Variants in PCDHGA11 observed in about 807,000 individuals in gnomAD.
The protein encoded by PCDHGA11 is protocadherin gamma-A11.
In PCDHGA11, 39 loss-of-function variants were observed where a neutral mutation model predicts 60.4. The ratio of observed to expected loss-of-function variants is 0.65; its 90% CI spans 0.50 to 0.84. The LOEUF is 0.84. PCDHGA11 is among the 40% of genes least tolerant of loss of function. PCDHGA11 has a pLI of 0.00. For synonymous variants in PCDHGA11, 533 were observed against 510.3 expected, an observed-to-expected ratio of 1.04 and a Z score of -0.60; for missense variants, 1,165 against 1,197.7, an observed-to-expected ratio of 0.97 and a Z score of 0.40.
chr5:141,442,894 C>T (rs1173211061), intron 1 of PCDHGA11, among the ~76,000 whole-genome samples: 1 of 152,204 alleles, frequency 6.6e-6, no homozygotes, highest in Non-Finnish European at 1.5e-5. Flanking sequence ...CCCTGCTTAT[C>T]ACTTCTCCTT....
intron 1 of PCDHGA11, chr5:141,433,069 C>T (rs561950316): frequency 2.5e-6 from 4 of 1,614,080 alleles, no homozygotes; most frequent in African/African-American, 1.3e-5. Context: ...ACCTGATCTT[C>T]CCCCAGCCCA....
chr5:141,436,600 G>C (rs1054182433), intron 1 of PCDHGA11, among the ~76,000 whole-genome samples: 2 of 152,154 alleles, frequency 1.3e-5, no homozygotes, highest in African/African-American at 2.4e-5. Context: ...CGTGGTGATG[G>C]CTAGGGCTAA....
chr5:141,484,949 A>C, intron 1 of PCDHGA11: 1 of 557,400 alleles, frequency 1.8e-6, no homozygotes, highest in Non-Finnish European at 3.2e-6. Context: ...TGCTCAGCCT[A>C]TTGGCTGAGC....
chr5:141,427,606 G>A (rs965315804), intron 1 of PCDHGA11: 2 of 688,192 alleles, frequency 2.9e-6, no homozygotes, highest in African/African-American at 3.5e-5. Flanking sequence ...CTACGCATTG[G>A]TGAAGTCAAC....
At chr5:141,469,259 A>G (rs1263722797) in intron 1 of PCDHGA11, among the ~76,000 whole-genome samples, 1 of 151,822 alleles carries the variant, frequency 6.6e-6, no homozygotes, top group Admixed American at 6.6e-5. Flanking sequence ...CTTGGGCAAC[A>G]GAGCAAGACC....
intron 1 of PCDHGA11, among the ~76,000 whole-genome samples, chr5:141,466,909 ACTC>A (rs1249720055): frequency 6.6e-6 from 1 of 151,110 alleles, no homozygotes; most frequent in Non-Finnish European, 1.5e-5. Flanking sequence ...GTTTTTGAAA[ACTC>A]CTTGTATTAG....
chr5:141,431,194 T>C lies in PCDHGA11; in HGVS notation c.2433+7534T>C. On this transcript the variant is annotated intron_variant, in intron 1 of 3. Coordinates refer to ENST00000398587, the MANE Select transcript of PCDHGA11 (RefSeq NM_018914.3). The surrounding 1 kb of genome is among the most constrained non-coding windows in gnomAD (Gnocchi z 4.8). ...AATTAGAAATAAAAATTAGTGAAAA[T>C]GCAGCCACTGAGATGCGGTTCCCTC... The C allele has an allele frequency of 6.2e-7, 1 of 1,614,124 alleles. No homozygotes were observed.
intron 1 of PCDHGA11, among the ~76,000 whole-genome samples, chr5:141,471,145 G>T (rs569617031): frequency 3.4e-4 from 50 of 148,740 alleles, no homozygotes; most frequent in Non-Finnish European, 5.4e-4. Flanking sequence ...TGCCTCCTGG[G>T]TTCAAGTGAT....
chr5:141,442,786 A>T (rs569050347), intron 1 of PCDHGA11, among the ~76,000 whole-genome samples: 12 of 152,308 alleles, frequency 7.9e-5, no homozygotes, highest in African/African-American at 2.6e-4. Context: ...TATATTTTAT[A>T]ATTTTACTTT....
Position 141,421,638 on chromosome 5 carries a change from C to G in PCDHGA11, c.411C>G (p.Asp137Glu), listed in dbSNP as rs775131295. The change falls in exon 1 of 4, where the codon GAC becomes GAG. Residue 137 changes from aspartate (D) to glutamate (E), a missense_variant. Asp to Glu is a conservative substitution (Grantham distance 45). Transcript: ENST00000398587. ...ATAACGCCCCCAGCTTCCAGGAGGA[C>G]GAAGTGGAGATAAAAGTCAGTGAGC... is the stretch of plus-strand genomic sequence containing the variant. The part of the protein sequence containing the change: ...INDNAPSFQE[D>E]EVEIKVSEHA... 1.2e-6 allele frequency: 2 copies of G among 1,613,770 alleles called. No individual in the cohort carries two copies. The highest frequency in any genetic ancestry group is 1.1e-5 in the South Asian group (1 of 91,064).
Position 141,422,926 on chromosome 5 carries a change from G to GC in PCDHGA11, c.1702dup (p.Leu568ProfsTer44). 6.2e-7 allele frequency: 1 copy of GC among 1,614,230 alleles called. No individual in the cohort carries two copies. The highest frequency in any genetic ancestry group is 1.3e-5 in the African/African-American group (1 of 75,064). On this transcript the variant is annotated frameshift_variant, in exon 1 of 4. Transcript: ENST00000398587. LOFTEE classifies it high-confidence loss of function. ...CAATGCGCCCGAGATCCTGTACCCTGCCCTCCCCACAGACGGCTCCACTGG... is the reference window on the plus strand; with the variant it reads ...CAATGCGCCCGAGATCCTGTACCCTGCCCCTCCCCACAGACGGCTCCACTGG...
chr5:141,427,052 C>T (rs79280874), intron 1 of PCDHGA11: 9,800 of 457,514 alleles, frequency 0.021, 162 homozygotes, highest in Middle Eastern at 0.051. Flanking sequence ...TGCCCCCAGG[C>T]ACCTCTGTAC....
chr5:141,491,232 G>C lies in PCDHGA11; in HGVS notation c.2434-3575G>C. The C allele has an allele frequency of 6.2e-7, 1 of 1,614,220 alleles. No individual in the cohort carries two copies. Among genetic ancestry groups the C allele is most frequent in the Non-Finnish European group, 8.5e-7 (1 of 1,180,034 alleles). On this transcript the variant is annotated intron_variant, in intron 1 of 3. Coordinates refer to ENST00000398587, the MANE Select transcript of PCDHGA11 (RefSeq NM_018914.3). The surrounding 1 kb of genome is among the most constrained non-coding windows in gnomAD (Gnocchi z 6.9). ...TCTCCTCCACAGCCACAGTGCTGCT[G>C]GTTCTGGAGGATGAGGACCCTGAGG... is the stretch of plus-strand genomic sequence containing the variant.
chr5:141,470,550 A>G (rs899475300), intron 1 of PCDHGA11, among the ~76,000 whole-genome samples: 1 of 152,120 alleles, frequency 6.6e-6, no homozygotes, highest in Non-Finnish European at 1.5e-5. Flanking sequence ...ATTTATTGAG[A>G]GTTTCCTCTG....
rs777288812 is a variant in PCDHGA11 at position 141,487,236 on chromosome 5, G to A, written c.2434-7571G>A. The A allele has an allele frequency of 1.7e-5, 28 of 1,613,962 alleles. No homozygotes were observed. The highest frequency in any genetic ancestry group is 1.4e-4 in the South Asian group (13 of 91,070). On this transcript the variant is annotated intron_variant, in intron 1 of 3. Coordinates refer to ENST00000398587, the MANE Select transcript of PCDHGA11 (RefSeq NM_018914.3). This position sits in a 1 kb window ranked among gnomAD's most constrained non-coding sequence, Gnocchi z 5.0. ...TCAGCTCCAAGGGAAGGAGAATCTC[G>A]TCTAACCCTCTACTTGGCTGTGTCC... is the stretch of plus-strand genomic sequence containing the variant.
chr5:141,428,557 C>T (rs2097147196), intron 1 of PCDHGA11: 2 of 242,520 alleles, frequency 8.2e-6, no homozygotes, highest in Non-Finnish European at 1.6e-5. Context: ...AACAGTCCCC[C>T]CACAAGATCT....
intron 1 of PCDHGA11, chr5:141,478,446 G>A: frequency 6.2e-7 from 1 of 1,613,520 alleles, no homozygotes; most frequent in Non-Finnish European, 8.5e-7. Flanking sequence ...AAGAAACCTG[G>A]TGCAGCCAGT....
intron 1 of PCDHGA11, among the ~76,000 whole-genome samples, chr5:141,434,448 G>A (rs2097694852): frequency 6.6e-6 from 1 of 152,210 alleles, no homozygotes; most frequent in Non-Finnish European, 1.5e-5. Context: ...CATGCTGGAA[G>A]GTAGTGGGTT....
Position 141,486,998 on chromosome 5 carries a change from C to G in PCDHGA11, c.2434-7809C>G, listed in dbSNP as rs754609128. On this transcript the variant is annotated intron_variant, in intron 1 of 3. Coordinates refer to ENST00000398587, the MANE Select transcript of PCDHGA11 (RefSeq NM_018914.3). The surrounding 1 kb of genome is among the most constrained non-coding windows in gnomAD (Gnocchi z 5.0). ...AGGTTACAATGCTTGGGTTTCCTAT[C>G]AGCTCCTGGAGGCCCCAGATCCCAG... The G allele has an allele frequency of 6.2e-7, 1 of 1,614,206 alleles. No homozygotes were observed. Among genetic ancestry groups the G allele is most frequent in the Non-Finnish European group, 8.5e-7 (1 of 1,180,034 alleles).
Sources: allele counts gnomAD v4.1 joint callset (sites outside exome capture counted in the v4.1 genomes callset), GRCh38; gene constraint gnomAD v4.1.1; non-coding constraint Gnocchi (gnomAD v3.1); transcripts MANE v1.5; gene names NCBI Gene and HGNC (gene_info 2026-07-23, HGNC 2026-07-21).